MITF: variants seen among roughly 807,000 people sequenced by gnomAD.
MITF encodes the protein microphthalmia-associated transcription factor.
Under a neutral mutation model 60.5 loss-of-function variants are expected in MITF, and 17 were observed. That is an observed-to-expected ratio of 0.28 (90% CI 0.19 to 0.42). The LOEUF is 0.42. MITF is among the 10% of genes least tolerant of loss of function. The pLI is 1.00. For synonymous variants in MITF, 260 were observed against 248.5 expected, an observed-to-expected ratio of 1.05 and a Z score of -0.43; for missense variants, 622 against 683.5, an observed-to-expected ratio of 0.91 and a Z score of 1.00.
chr3:69,851,653 T>C (rs538895631), intron 1 of MITF, among the ~76,000 whole-genome samples: 16 of 152,088 alleles, frequency 1.1e-4, no homozygotes, highest in Non-Finnish European at 2.4e-4. Flanking sequence ...GGATTGGAGA[T>C]GGGGGCTGTT....
At chr3:69,919,379 G>T (rs2065410940) in intron 2 of MITF, among the ~76,000 whole-genome samples, 1 of 152,016 alleles carries the variant, frequency 6.6e-6, no homozygotes, top group South Asian at 2.1e-4. Flanking sequence ...GTTTTGTTTT[G>T]TTTTTCTAAG....
At chr3:69,913,749 A>C (rs968605840) in intron 2 of MITF, among the ~76,000 whole-genome samples, 1 of 152,186 alleles carries the variant, frequency 6.6e-6, no homozygotes, top group Non-Finnish European at 1.5e-5. Context: ...ACATCATCCT[A>C]ACGAACGTAT....
chr3:69,802,083 G>C (rs527881753), intron 1 of MITF, among the ~76,000 whole-genome samples: 2 of 152,196 alleles, frequency 1.3e-5, no homozygotes, highest in South Asian at 4.2e-4. Context: ...AGAAAACAAG[G>C]CTTAAGTAAC....
At chr3:69,860,403 G>C (rs1474705712) in intron 1 of MITF, among the ~76,000 whole-genome samples, 3 of 152,026 alleles carry the variant, frequency 2.0e-5, no homozygotes, top group African/African-American at 4.8e-5. Context: ...TCGGGAGATC[G>C]AGACCACGGT....
chr3:69,888,125 C>A (rs774912237), intron 2 of MITF, among the ~76,000 whole-genome samples: 2 of 152,044 alleles, frequency 1.3e-5, no homozygotes, highest in Non-Finnish European at 2.9e-5. Context: ...TACTACCATG[C>A]ATAACTCTGT....
intron 2 of MITF, among the ~76,000 whole-genome samples, chr3:69,884,541 A>C (rs193130135): frequency 6.6e-6 from 1 of 152,142 alleles, no homozygotes; most frequent in African/African-American, 2.4e-5. Context: ...ATGTGTAAGT[A>C]TGTACCAGCT....
At chr3:69,770,517 A>T (rs2062376739) in intron 1 of MITF, among the ~76,000 whole-genome samples, 1 of 152,214 alleles carries the variant, frequency 6.6e-6, no homozygotes, top group South Asian at 2.1e-4. Context: ...ATTTTTAAGT[A>T]GGATTGGTCT....
intron 1 of MITF, among the ~76,000 whole-genome samples, chr3:69,744,903 A>G (rs1161913903): frequency 6.6e-6 from 1 of 152,230 alleles, no homozygotes; most frequent in Non-Finnish European, 1.5e-5. Flanking sequence ...TGTTCAACAC[A>G]TATTTATTGA....
intron 1 of MITF, among the ~76,000 whole-genome samples, chr3:69,757,731 T>G (rs1464181575): frequency 6.6e-6 from 1 of 152,154 alleles, no homozygotes; most frequent in East Asian, 1.9e-4. Flanking sequence ...GAGATCCGAC[T>G]TTTACTCTTG....
At chr3:69,788,449 T>C (rs569266047) in intron 1 of MITF, among the ~76,000 whole-genome samples, 98 of 152,158 alleles carry the variant, frequency 6.4e-4, no homozygotes, top group Middle Eastern at 3.4e-3. Context: ...ATACTTTGAG[T>C]ATGCTATATA....
intron 1 of MITF, among the ~76,000 whole-genome samples, chr3:69,800,099 A>G (rs1433156257): frequency 2.0e-5 from 3 of 152,182 alleles, no homozygotes; most frequent in Non-Finnish European, 4.4e-5. Context: ...CGTACCTATT[A>G]GCAGTTAGTC....
intron 2 of MITF, among the ~76,000 whole-genome samples, chr3:69,887,544 A>C (rs896098493): frequency 3.9e-5 from 6 of 152,118 alleles, no homozygotes; most frequent in Admixed American, 1.3e-4. Flanking sequence ...TCTTATTTAT[A>C]AATTTAGATG....
chr3:69,911,318 A>G (rs569473919), intron 2 of MITF, among the ~76,000 whole-genome samples: 29 of 152,240 alleles, frequency 1.9e-4, no homozygotes, highest in African/African-American at 7.0e-4. Flanking sequence ...AAAACGGACC[A>G]GTATAGATGG....
chr3:69,761,649 T>C (rs1291374481), intron 1 of MITF, among the ~76,000 whole-genome samples: 9 of 152,200 alleles, frequency 5.9e-5, no homozygotes, highest in Non-Finnish European at 8.8e-5. Context: ...CAAATAGTTA[T>C]ATCTATTAAA....
chr3:69,929,298 T>A (rs1008774266), intron 2 of MITF, among the ~76,000 whole-genome samples: 1 of 152,088 alleles, frequency 6.6e-6, no homozygotes, highest in Non-Finnish European at 1.5e-5. Flanking sequence ...GGAGGGAGAA[T>A]CAGGAGCACT....
At chr3:69,945,158 G>A (rs1322487221) in intron 5 of MITF, among the ~76,000 whole-genome samples, 1 of 152,044 alleles carries the variant, frequency 6.6e-6, no homozygotes, top group Non-Finnish European at 1.5e-5. Flanking sequence ...TTCAGAAAAG[G>A]GGACCATCCA....
intron 1 of MITF, among the ~76,000 whole-genome samples, chr3:69,826,314 A>G (rs1413746430): frequency 6.6e-6 from 1 of 152,214 alleles, no homozygotes; most frequent in Admixed American, 6.5e-5. Flanking sequence ...TATAGTAGGT[A>G]CTTACTTGGG....
At chr3:69,849,681 A>G (rs1038284547) in intron 1 of MITF, among the ~76,000 whole-genome samples, 3 of 152,202 alleles carry the variant, frequency 2.0e-5, no homozygotes, top group African/African-American at 7.2e-5. Flanking sequence ...CTGGGCTCTG[A>G]TACCTCATCC....
At chr3:69,909,449 A>G (rs2065175197) in intron 2 of MITF, among the ~76,000 whole-genome samples, 1 of 152,216 alleles carries the variant, frequency 6.6e-6, no homozygotes, top group Non-Finnish European at 1.5e-5. Flanking sequence ...AAAATGTGGA[A>G]GCGACTTTGG....
Sources: gnomAD v4.1 joint callset for allele counts (sites outside exome capture counted in the v4.1 genomes callset) on GRCh38, gnomAD v4.1.1 for gene constraint, MANE v1.5 for transcripts, NCBI Gene and HGNC (gene_info 2026-07-23, HGNC 2026-07-21) for gene names.